RIPK1: variants seen among roughly 807,000 people sequenced by gnomAD.
RIPK1 encodes receptor-interacting serine/threonine-protein kinase 1.
In RIPK1, 27 loss-of-function variants were observed where a neutral mutation model predicts 62.4. The observed-to-expected ratio is 0.43, with a 90% confidence interval of 0.32 to 0.60. The LOEUF (loss-of-function observed/expected upper bound fraction) is 0.60. RIPK1 is among the 20% of genes least tolerant of loss of function. RIPK1 has a pLI of 0.07. For synonymous variants in RIPK1, 287 were observed against 303.2 expected, an observed-to-expected ratio of 0.95 and a Z score of 0.55; for missense variants, 735 against 831.0, an observed-to-expected ratio of 0.88 and a Z score of 1.42.
chr6:3,090,485 A>G (rs889372152), intron 7 of RIPK1, among the ~76,000 whole-genome samples: 2 of 152,218 alleles, frequency 1.3e-5, no homozygotes, highest in Non-Finnish European at 2.9e-5. Flanking sequence ...GGAATATTTC[A>G]TAATGATAAA....
intron 7 of RIPK1, among the ~76,000 whole-genome samples, chr6:3,090,821 A>G (rs1463326546): frequency 7.5e-6 from 1 of 134,048 alleles, no homozygotes; most frequent in Non-Finnish European, 1.5e-5. Context: ...TAGTAACCGC[A>G]GCGCACCTAC....
intron 7 of RIPK1, among the ~76,000 whole-genome samples, chr6:3,094,104 T>TGCAGCTC (rs1760145993): frequency 7.4e-6 from 1 of 134,612 alleles, no homozygotes; most frequent in Admixed American, 7.1e-5. Context: ...ACCTAGTAAC[T>TGCAGCTC]GCAGAGTACC....
intron 1 of RIPK1, among the ~76,000 whole-genome samples, chr6:3,074,013 A>G (rs778891748): frequency 4.6e-4 from 70 of 152,240 alleles, no homozygotes; most frequent in Non-Finnish European, 5.1e-4. Flanking sequence ...GAAATACTTC[A>G]GCATGCATAC....
chr6:3,089,586 G>A lies in RIPK1; in HGVS notation c.844G>A (p.Glu282Lys). ...PEARPTFPGI[E>K]EKFRPFYLSQ... ...AGTACATTTTACTTTTACAGGCATTGAAGAAAAATTTAGGCCTTTTTATTT... is the reference window on the plus strand; with the variant it reads ...AGTACATTTTACTTTTACAGGCATTAAAGAAAAATTTAGGCCTTTTTATTT... Residue 282 changes from glutamate to lysine, a missense_variant, in exon 7 of 11, where the codon GAA becomes AAA. Glu to Lys is a moderately conservative substitution (Grantham distance 56). Coordinates refer to ENST00000259808, the MANE Select transcript of RIPK1 (RefSeq NM_001354930.2). 4 of 1,473,672 alleles carry A rather than the reference G, an allele frequency of 2.7e-6. No individual in the cohort carries two copies. The highest frequency in any genetic ancestry group is 3.8e-6 in the Non-Finnish European group (4 of 1,059,264). The allele number at this position is 1,473,672 out of a possible 1,614,324, so 91.3% of individuals were successfully genotyped here. A position where few individuals can be genotyped will look rare whatever the true frequency, so the allele number is the denominator to read the frequency against.
chr6:3,107,521 C>T (rs1349990584), intron 9 of RIPK1, among the ~76,000 whole-genome samples: 1 of 139,772 alleles, frequency 7.2e-6, no homozygotes, highest in Admixed American at 7.4e-5. Context: ...GCCGAGATTG[C>T]ACCACTGCAC....
At chr6:3,066,664 C>T (rs998090982), upstream of RIPK1, among the ~76,000 whole-genome samples, 1 of 152,164 alleles carries the variant, frequency 6.6e-6, no homozygotes, top group Non-Finnish European at 1.5e-5. Flanking sequence ...CATCAACATC[C>T]TGCATTACTG....
intron 7 of RIPK1, among the ~76,000 whole-genome samples, chr6:3,095,681 AAAAG>A (rs1393858300): frequency 6.6e-6 from 1 of 152,236 alleles, no homozygotes; most frequent in African/African-American, 2.4e-5. Context: ...TTAAATGAGA[AAAAG>A]ATATATCTTT....
At chr6:3,107,562 CAAAAAAA>C (rs60843872) in intron 9 of RIPK1, among the ~76,000 whole-genome samples, 72 of 46,316 alleles carry the variant, frequency 1.6e-3, no homozygotes, top group Non-Finnish European at 1.4e-3. Flanking sequence ...GAGACTGTCG[CAAAAAAA>C]AAAAAAAAAA....
chr6:3,064,358 T>A (rs1405030952), upstream of RIPK1, among the ~76,000 whole-genome samples: 1 of 152,202 alleles, frequency 6.6e-6, no homozygotes, highest in Non-Finnish European at 1.5e-5. Context: ...CTGCCGGCCC[T>A]GTGTTCTCAC....
chr6:3,087,487 C>G (rs1759763996), intron 6 of RIPK1, among the ~76,000 whole-genome samples: 1 of 148,588 alleles, frequency 6.7e-6, no homozygotes, highest in Non-Finnish European at 1.5e-5. Context: ...TGGGTAAGTT[C>G]TATCATTCTG....
At chr6:3,087,433 TTTTG>T (rs1759759934) in intron 6 of RIPK1, among the ~76,000 whole-genome samples, 1 of 152,048 alleles carries the variant, frequency 6.6e-6, no homozygotes, top group African/African-American at 2.4e-5. Flanking sequence ...TTTTTTTTGT[TTTTG>T]TTTGTTTTTT....
Position 3,105,923 on chromosome 6 carries a change from C to T in RIPK1, c.1448C>T (p.Thr483Ile). Reference sequence around the variant, plus strand: ...GGAACAAGACCACTGGATCCAGGAACAGCAGGTCCCAGAGTTTGGTACAGG... The same window carrying T: ...GGAACAAGACCACTGGATCCAGGAATAGCAGGTCCCAGAGTTTGGTACAGG... Reference protein sequence around the residue: ...GFGTRPLDPGTAGPRVWYRPI... With the variant: ...GFGTRPLDPGIAGPRVWYRPI... The change falls in exon 9 of 11, where the codon ACA becomes ATA. Residue 483 changes from threonine (T) to isoleucine (I), a missense_variant. By Grantham distance (89) the Thr-to-Ile change is moderately conservative. Transcript: ENST00000259808. The surrounding 1 kb of genome is among the most constrained non-coding windows in gnomAD (Gnocchi z 4.5). The T allele has an allele frequency of 4.3e-6, 7 of 1,614,088 alleles. No individual in the cohort carries two copies. Among genetic ancestry groups the T allele is most frequent in the Non-Finnish European group, 2.5e-6 (3 of 1,179,982 alleles).
Position 3,087,016 on chromosome 6 carries a change from A to G in RIPK1, c.838+1608A>G, listed in dbSNP as rs148359907. 9.0e-3 allele frequency among the ~76,000 whole-genome samples: 1,374 copies of G among 152,302 alleles called. 12 individuals carry two copies. Among genetic ancestry groups the G allele is most frequent in the Middle Eastern group, 0.031 (9 of 294 alleles). ...CAAAATCAAACCTTCCTGATTCTCC[A>G]AGGTGTCTTCTTTTATTGTTTCCTT... On this transcript the variant is annotated intron_variant, in intron 6 of 10. Coordinates refer to ENST00000259808, the MANE Select transcript of RIPK1 (RefSeq NM_001354930.2).
chr6:3,065,118 G>A (rs1392247629), upstream of RIPK1, among the ~76,000 whole-genome samples: 3 of 151,880 alleles, frequency 2.0e-5, no homozygotes, highest in Non-Finnish European at 2.9e-5. Flanking sequence ...ATAGCCGGGC[G>A]TGGTGGCGGG....
chr6:3,110,872 T>C lies in RIPK1; in HGVS notation c.1646T>C (p.Ile549Thr), dbSNP rs1475734525. The part of the protein sequence containing the change: ...IQIGAYNYME[I>T]GGTSSSLLDS... ...ATTGGAGCCTACAATTATATGGAGA[T>C]TGGTGGGACGAGTTCATCACTACTA... Residue 549 changes from isoleucine to threonine, a missense_variant, in exon 10 of 11, where the codon ATT becomes ACT. Ile to Thr is a moderately conservative substitution (Grantham distance 89, BLOSUM62 -1). This residue lies in a region of RIPK1 where 671 missense variants were observed against 726.2 expected (regional missense o/e 0.92). Transcript: ENST00000259808. The C allele has an allele frequency of 3.7e-6, 6 of 1,607,396 alleles. No homozygotes were observed. Among genetic ancestry groups the C allele is most frequent in the Middle Eastern group, 3.3e-4 (2 of 6,056 alleles).
Position 3,089,584 on chromosome 6 carries a change from T to C in RIPK1, c.842T>C (p.Ile281Thr), listed in dbSNP as rs771520056. 4.8e-5 allele frequency: 69 copies of C among 1,450,302 alleles called. No individual in the cohort carries two copies. Among genetic ancestry groups the C allele is most frequent in the Non-Finnish European group, 5.9e-5 (61 of 1,038,282 alleles). The allele number at this position is 1,450,302 out of a possible 1,614,324, so 89.8% of individuals were successfully genotyped here. Residue 281 changes from isoleucine (I) to threonine (T), a missense_variant, in exon 7 of 11, where the codon ATT becomes ACT. Ile to Thr is a moderately conservative substitution (Grantham distance 89). Transcript: ENST00000259808. ...NPEARPTFPG[I>T]EEKFRPFYLS... ...AAAGTACATTTTACTTTTACAGGCA[T>C]TGAAGAAAAATTTAGGCCTTTTTAT...
intron 1 of RIPK1, among the ~76,000 whole-genome samples, chr6:3,069,575 A>C (rs1015267731): frequency 6.6e-6 from 1 of 152,170 alleles, no homozygotes; most frequent in African/African-American, 2.4e-5. Flanking sequence ...AGGCTGTTCC[A>C]ATGATTAATT....
chr6:3,070,506 C>T (rs1029775954), intron 1 of RIPK1, among the ~76,000 whole-genome samples: 13 of 152,190 alleles, frequency 8.5e-5, no homozygotes, highest in Non-Finnish European at 1.8e-4. Context: ...GGCGCGATCG[C>T]GGCTTAATGT....
At chr6:3,080,835 G>T in intron 3 of RIPK1, 144 bp from the exon 4 acceptor site, 1 of 503,838 alleles carries the variant, frequency 2.0e-6, no homozygotes. Flanking sequence ...GTTTCCCAGT[G>T]ACAGCAGTAC....
Sources: allele counts gnomAD v4.1 joint callset (sites outside exome capture counted in the v4.1 genomes callset), GRCh38; gene constraint gnomAD v4.1.1; regional missense constraint gnomAD v4.1.1; non-coding constraint Gnocchi (gnomAD v3.1); transcripts MANE v1.5; gene names NCBI Gene and HGNC (gene_info 2026-07-23, HGNC 2026-07-21).